The following HDAC8 variants were observed in gnomAD, a reference collection of about 807,000 sequenced individuals.
HDAC8 encodes histone deacetylase-like 1.
Under a neutral mutation model 32.2 loss-of-function variants are expected in HDAC8, and 1 was observed. The ratio of observed to expected loss-of-function variants is 0.03; its 90% CI spans 0.01 to 0.15. HDAC8 has a LOEUF of 0.15. Among genes scored for constraint, HDAC8 ranks in the 10% least tolerant of loss-of-function variants. HDAC8 has a pLI of 1.00. For missense variants in HDAC8, 117 were observed against 300.0 expected (o/e 0.39, Z 4.51); for synonymous variants, 108 against 113.9 (o/e 0.95, Z 0.33).
intron 9 of HDAC8, among the ~76,000 whole-genome samples, chrX:72,434,011 CTAAA>C (rs1555978288): frequency 8.9e-6 from 1 of 112,525 alleles, no homozygotes; most frequent in Non-Finnish European, 1.9e-5. Flanking sequence ...GCTTTGAGAA[CTAAA>C]TAAACTAATG....
chrX:72,481,237 G>C (rs1403616678), intron 7 of HDAC8, among the ~76,000 whole-genome samples: 1 of 110,664 alleles, frequency 9.0e-6, no homozygotes, highest in East Asian at 2.9e-4. Context: ...GATCTCATGA[G>C]AACTCACTAT....
chrX:72,383,430 C>G (rs1555960412), intron 9 of HDAC8, among the ~76,000 whole-genome samples: 1 of 111,830 alleles, frequency 8.9e-6, no homozygotes, highest in Non-Finnish European at 1.9e-5. Flanking sequence ...ATTTAAAGAA[C>G]AAGGCAGGAT....
At chrX:72,447,428 G>A (rs1806978648) in intron 9 of HDAC8, among the ~76,000 whole-genome samples, 1 of 111,723 alleles carries the variant, frequency 9.0e-6, no homozygotes, top group Non-Finnish European at 1.9e-5. Context: ...GATATTGATG[G>A]AACATATCTC....
At chrX:72,361,805 A>T (rs5958785) in intron 9 of HDAC8, among the ~76,000 whole-genome samples, 2,139 of 111,406 alleles carry the variant, frequency 0.019, 53 homozygotes, top group African/African-American at 0.066. Flanking sequence ...TAGCAAAAGC[A>T]GAGGAATAAA....
intron 9 of HDAC8, among the ~76,000 whole-genome samples, chrX:72,396,868 T>C (rs868958782): frequency 5.8e-5 from 6 of 104,075 alleles, no homozygotes; most frequent in African/African-American, 2.5e-4. Flanking sequence ...ACAACAACAA[T>C]AATGTACTGT....
intron 9 of HDAC8, among the ~76,000 whole-genome samples, chrX:72,421,213 T>A (rs2046480263): frequency 9.0e-6 from 1 of 111,687 alleles, no homozygotes; most frequent in African/African-American, 3.3e-5. Flanking sequence ...TTTTTTTTTT[T>A]AATTTTTAAA....
chrX:72,434,582 T>C (rs1425315531), intron 9 of HDAC8, among the ~76,000 whole-genome samples: 3 of 111,850 alleles, frequency 2.7e-5, no homozygotes, highest in African/African-American at 9.8e-5. Flanking sequence ...TAGCAAGAGC[T>C]GTGAGGCTAA....
At chrX:72,495,325 T>C (rs1394052993) in intron 4 of HDAC8, 57 bp from the exon 5 acceptor site, 1 of 782,949 alleles carries the variant, frequency 1.3e-6, no homozygotes, top group South Asian at 2.4e-5. Flanking sequence ...AGGGAGTCTT[T>C]ACAGCCAAGG....
At chrX:72,536,750 C>CT (rs1165911484) in intron 4 of HDAC8, among the ~76,000 whole-genome samples, 6 of 111,926 alleles carry the variant, frequency 5.4e-5, no homozygotes, top group African/African-American at 1.6e-4. Context: ...TGTTCCCAAC[C>CT]TTTTTTGGCT....
In HDAC8 at chrX:72,531,886, G is replaced by A. The variant is rs73218363; in HGVS notation, c.437+36003C>T. Among the ~76,000 whole-genome samples, 721 of 111,763 alleles carry A rather than the reference G, an allele frequency of 6.5e-3. 6 individuals are homozygous for A. Among genetic ancestry groups the A allele is most frequent in the Non-Finnish European group, 0.011 (607 of 53,130 alleles). The stretch of plus-strand genomic sequence containing the variant: ...AATTCATCAATTGATGCACATTTTG[G>A]TTGTTTCCACCTTTCGGCTATAGTG... On this transcript the variant is annotated intron_variant, in intron 4 of 10. Coordinates refer to ENST00000373573, the MANE Select transcript of HDAC8 (RefSeq NM_018486.3).
At chrX:72,470,915 A>G (rs1210447163) in intron 7 of HDAC8, among the ~76,000 whole-genome samples, 6 of 111,419 alleles carry the variant, frequency 5.4e-5, no homozygotes, top group African/African-American at 1.7e-4. Flanking sequence ...GGCTTTTAGC[A>G]TATTCAAAGA....
At chrX:72,487,676 C>T (rs781884417) in intron 7 of HDAC8, among the ~76,000 whole-genome samples, 2 of 102,401 alleles carry the variant, frequency 2.0e-5, no homozygotes, top group South Asian at 9.2e-4. Flanking sequence ...GGAAAGGGCT[C>T]GAGGAGACAC....
intron 10 of HDAC8, among the ~76,000 whole-genome samples, chrX:72,349,088 T>C (rs782781059): frequency 1.2e-4 from 13 of 112,627 alleles, no homozygotes; most frequent in Non-Finnish European, 2.3e-4. Context: ...TTCCTTCTAT[T>C]GAATGAAAAT....
intron 6 of HDAC8, among the ~76,000 whole-genome samples, chrX:72,490,161 T>G (rs1556008411): frequency 9.1e-6 from 1 of 109,730 alleles, no homozygotes; most frequent in Admixed American, 9.7e-5. Context: ...GGTGGGACTG[T>G]AAACTAGATC....
At chrX:72,538,090 C>T (rs1239506670) in intron 4 of HDAC8, among the ~76,000 whole-genome samples, 1 of 110,867 alleles carries the variant, frequency 9.0e-6, no homozygotes, top group African/African-American at 3.3e-5. Flanking sequence ...ATATTAAAGA[C>T]AAGTTGGGGT....
At chrX:72,414,333 A>G (rs1449337422) in intron 9 of HDAC8, among the ~76,000 whole-genome samples, 2 of 112,140 alleles carry the variant, frequency 1.8e-5, no homozygotes, top group African/African-American at 6.5e-5. Context: ...AAGTCTGTCT[A>G]TGATGGGGCC....
At chrX:72,421,356 C>T (rs2046486142) in intron 9 of HDAC8, among the ~76,000 whole-genome samples, 1 of 111,841 alleles carries the variant, frequency 8.9e-6, no homozygotes, top group African/African-American at 3.3e-5. Context: ...TATTAGCTTT[C>T]TTTTTGATGC....
intron 4 of HDAC8, among the ~76,000 whole-genome samples, chrX:72,527,129 C>G (rs1039701574): frequency 4.5e-5 from 5 of 112,085 alleles, no homozygotes; most frequent in Admixed American, 9.5e-5. Flanking sequence ...AATTTCCAGC[C>G]TCATCTCTTG....
chrX:72,572,200 C>T (rs1556161253), intron 1 of HDAC8, 91 bp from the exon 2 acceptor site: 1 of 873,712 alleles, frequency 1.1e-6, no homozygotes, highest in Non-Finnish European at 1.6e-6. Flanking sequence ...TCTCACCATC[C>T]TGAACAAAGG....
Sources: gnomAD v4.1 joint callset for allele counts (sites outside exome capture counted in the v4.1 genomes callset) on GRCh38, gnomAD v4.1.1 for gene constraint, MANE v1.5 for transcripts, NCBI Gene and HGNC (gene_info 2026-07-23, HGNC 2026-07-21) for gene names.